The following HEY2 variants were observed in gnomAD, a reference collection of about 807,000 sequenced individuals.
The protein encoded by HEY2 is hairy/enhancer-of-split related with YRPW motif protein 2.
In HEY2, 10 loss-of-function variants were observed where a neutral mutation model predicts 18.1. The observed-to-expected ratio is 0.55, with a 90% confidence interval of 0.34 to 0.94. HEY2 has a LOEUF of 0.94. Ranked by LOEUF, HEY2 falls within the 40% of genes least tolerant of loss-of-function variation. The probability of loss-of-function intolerance (pLI) is 0.02; values close to 1 mark genes in which losing one functional copy is unlikely to be tolerated. For missense variants in HEY2, 455 were observed against 455.9 expected (o/e 1.00, Z 0.02); for synonymous variants, 210 against 182.7 (o/e 1.15, Z -1.21).
In HEY2 at chr6:125,759,316, C is replaced by T. The variant is rs374306977; in HGVS notation, c.528C>T (p.His176=). ...AAAMTSSMAH[H]HHPLHPHHWA... is the part of the protein sequence containing the mutation. ...CCATGACATCCTCCATGGCCCACCA[C>T]CATCATCCGCTCCACCCGCATCACT... The change falls in exon 5 of 5, where the codon CAC becomes CAT. Residue 176 remains histidine, a synonymous_variant. Coordinates refer to ENST00000368364, the MANE Select transcript of HEY2 (RefSeq NM_012259.3). 31 of 1,605,630 alleles carry T rather than the reference C, an allele frequency of 1.9e-5. No individual in the cohort carries two copies. Among genetic ancestry groups the T allele is most frequent in the South Asian group, 1.3e-4 (12 of 90,868 alleles).
At position 125,759,455 on chromosome 6, in the gene HEY2, G is replaced by T. The variant is rs761158643; in HGVS notation, c.667G>T (p.Gly223Cys). The T allele has an allele frequency of 6.2e-7, 1 of 1,611,638 alleles. No individual in the cohort carries two copies. The highest frequency in any genetic ancestry group is 1.7e-5 in the Admixed American group (1 of 60,024). The change falls in exon 5 of 5, where the codon GGC becomes TGC. Residue 223 changes from glycine to cysteine, a missense_variant. By Grantham distance (159) the Gly-to-Cys change is radical. Coordinates refer to ENST00000368364, the MANE Select transcript of HEY2 (RefSeq NM_012259.3). ...AACTTCAGAAGTGCCTCCTGCCCAC[G>T]GCTCTGCTCTCCTCACGGCCACGTT... ...STTSEVPPAH[G>C]SALLTATFAH...
rs1773792167 is a variant in HEY2 at position 125,761,017 on chromosome 6, T to C, written c.*1215T>C. ...TTTCGTTTAATGACAAAATAATCTC[T>C]TAATATGCTGAAATCAAGCACGTGA... On this transcript the variant is annotated 3_prime_UTR_variant, in exon 5 of 5. Coordinates refer to ENST00000368364, the MANE Select transcript of HEY2 (RefSeq NM_012259.3). 6.6e-6 allele frequency: 1 copy of C among 152,642 alleles called. No homozygotes were observed. The highest frequency in any genetic ancestry group is 2.1e-4 in the South Asian group (1 of 4,836). The allele number at this position is 152,642 out of a possible 1,614,324, so 9.5% of individuals were successfully genotyped here.
At chr6:125,755,955 G>T (rs1333199121) in intron 4 of HEY2, among the ~76,000 whole-genome samples, 1 of 152,146 alleles carries the variant, frequency 6.6e-6, no homozygotes, top group African/African-American at 2.4e-5. Flanking sequence ...CAGGATGTTA[G>T]GATACTGATT....
intron 1 of HEY2, chr6:125,750,134 C>A: frequency 3.7e-6 from 2 of 535,100 alleles, no homozygotes; most frequent in Non-Finnish European, 4.8e-6. Context: ...TCCTGGCTGT[C>A]ACAGTTGGAC....
In HEY2 at chr6:125,749,695, G is replaced by C. The variant is rs546858828; in HGVS notation, c.-82G>C. ...CCGCGCCTGCCCAGGCCCGGGGAGGGAGGAGGCGGGCGTCAGGGTGCTGCG... is the reference window on the plus strand; with the variant it reads ...CCGCGCCTGCCCAGGCCCGGGGAGGCAGGAGGCGGGCGTCAGGGTGCTGCG... On this transcript the variant is annotated 5_prime_UTR_variant, in exon 1 of 5. Transcript: ENST00000368364. 767 of 1,024,228 alleles carry C rather than the reference G, an allele frequency of 7.5e-4. 6 individuals carry two copies. In the African/African-American group the frequency reaches 0.012, roughly 16 times the overall value. The allele number at this position is 1,024,228 out of a possible 1,614,324, so 63.4% of individuals were successfully genotyped here.
chr6:125,750,507 TTA>T, intron 1 of HEY2: 1 of 632,476 alleles, frequency 1.6e-6, no homozygotes, highest in Non-Finnish European at 2.0e-6. Context: ...CCGAGGCATT[TTA>T]GAGCCAAGGC....
At position 125,759,336 on chromosome 6, in the gene HEY2, A is replaced by T. The variant is rs565963394; in HGVS notation, c.548A>T (p.His183Leu). The T allele has an allele frequency of 1.4e-4, 226 of 1,604,652 alleles. 3 individuals are homozygous for T. The South Asian group carries it at 2.3e-3, about 16-fold the overall frequency. The change falls in exon 5 of 5, where the codon CAT (histidine) becomes CTT (leucine). Residue 183 changes from histidine to leucine, a missense_variant. Coordinates refer to ENST00000368364, the MANE Select transcript of HEY2 (RefSeq NM_012259.3). ...CACCACCATCATCCGCTCCACCCGC[A>T]TCACTGGGCCGCCGCCTTCCACCAC... is the stretch of plus-strand genomic sequence containing the variant. ...MAHHHHPLHP[H>L]HWAAAFHHLP...
rs1773764737 is a variant in HEY2, at chr6:125,760,040, A to G, written c.*238A>G. On this transcript the variant is annotated 3_prime_UTR_variant, in exon 5 of 5. Transcript: ENST00000368364. ...CATCAGCAACTTTTGAAAACTTCAC[A>G]CTTGTTACCATTTAGAAGTTTCCTG... is the stretch of plus-strand genomic sequence containing the variant. 2 of 550,666 alleles carry G rather than the reference A, an allele frequency of 3.6e-6. No homozygotes were observed. Among genetic ancestry groups the G allele is most frequent in the South Asian group, 2.2e-5 (1 of 46,102 alleles). The allele number at this position is 550,666 out of a possible 1,614,324, so 34.1% of individuals were successfully genotyped here. A position where few individuals can be genotyped will look rare whatever the true frequency, so the allele number is the denominator to read the frequency against.
At chr6:125,751,659 A>G in intron 1 of HEY2, 142 bp from the exon 2 acceptor site, 1 of 546,882 alleles carries the variant, frequency 1.8e-6, no homozygotes. Flanking sequence ...AAAGTCCGTT[A>G]AGAGTGAAAC....
chr6:125,750,459 A>G (rs1252649039), intron 1 of HEY2: 1 of 933,572 alleles, frequency 1.1e-6, no homozygotes, highest in East Asian at 1.2e-4. Flanking sequence ...GTAATCACAG[A>G]AGCCAGACCT....
At position 125,759,995 on chromosome 6, in the gene HEY2, C is replaced by G; in HGVS notation, c.*193C>G. 1.6e-6 allele frequency: 1 copy of G among 607,996 alleles called. No homozygotes were observed. The allele number at this position is 607,996 out of a possible 1,614,324, so 37.7% of individuals were successfully genotyped here. On this transcript the variant is annotated 3_prime_UTR_variant, in exon 5 of 5. Transcript: ENST00000368364. ...TTTTCTCTCCCTTTTTTGTTTGGTT[C>G]AAGGCAGCTCGGTAACTGACATCAG...
In HEY2 at chr6:125,752,075, T is replaced by G; in HGVS notation, c.231T>G (p.Thr77=). The G allele has an allele frequency of 1.2e-6, 2 of 1,613,100 alleles. No homozygotes were observed. Among genetic ancestry groups the G allele is most frequent in the Non-Finnish European group, 1.7e-6 (2 of 1,179,130 alleles). Residue 77 remains threonine, a synonymous_variant, in exon 3 of 5, where the codon ACT becomes ACG. Coordinates refer to ENST00000368364, the MANE Select transcript of HEY2 (RefSeq NM_012259.3). The stretch of plus-strand genomic sequence containing the variant: ...CTGAGTTGAGAAGACTTGTGCCAAC[T>G]GCTTTTGAAAAACAAGTAAGCTATC... ...SLSELRRLVP[T]AFEKQGSAKL...
At chr6:125,749,884 G>T (rs1767013341) in intron 1 of HEY2, 25 bp downstream of exon 1, 1 of 1,543,486 alleles carries the variant, frequency 6.5e-7, no homozygotes, top group African/African-American at 1.4e-5. Flanking sequence ...CGCGGGAGCG[G>T]CCCGCAGCTC....
chr6:125,755,025 A>G (rs866583725), intron 4 of HEY2, among the ~76,000 whole-genome samples: 1 of 152,058 alleles, frequency 6.6e-6, no homozygotes, highest in Non-Finnish European at 1.5e-5. Flanking sequence ...AAAGGAATTG[A>G]CTCTAGAGTT....
intron 4 of HEY2, among the ~76,000 whole-genome samples, chr6:125,756,031 G>A (rs1276322755): frequency 6.6e-6 from 1 of 152,300 alleles, no homozygotes; most frequent in East Asian, 1.9e-4. Flanking sequence ...TTAGCCACAA[G>A]GCTAAGTTTT....
Position 125,754,406 on chromosome 6 carries a change from T to C in HEY2, c.247-59T>C. On this transcript the variant is annotated intron_variant, in intron 3 of 4. Coordinates refer to ENST00000368364, the MANE Select transcript of HEY2 (RefSeq NM_012259.3). Reference sequence around the variant, plus strand: ...CCATAATGCTAAATTCAGTGTATAATGTTTCAGATTAGTTTCTGTAGGACA... The same window carrying C: ...CCATAATGCTAAATTCAGTGTATAACGTTTCAGATTAGTTTCTGTAGGACA... 9.2e-6 allele frequency: 9 copies of C among 981,780 alleles called. 1 individual carries two copies. The highest frequency in any genetic ancestry group is 7.2e-5 in the South Asian group (4 of 55,270). 60.8% of individuals were successfully genotyped at this position (981,780 alleles called of 1,614,324 possible). A position where few individuals can be genotyped will look rare whatever the true frequency, so the allele number is the denominator to read the frequency against.
At chr6:125,752,467 T>C (rs945287721) in intron 3 of HEY2, among the ~76,000 whole-genome samples, 1 of 151,894 alleles carries the variant, frequency 6.6e-6, no homozygotes, top group South Asian at 2.1e-4. Flanking sequence ...AAAATTTTTT[T>C]AAAATGTAAT....
At chr6:125,758,986 C>T (rs1773722358) in intron 4 of HEY2, 131 bp from the exon 5 acceptor site, 2 of 630,354 alleles carry the variant, frequency 3.2e-6, no homozygotes, top group Non-Finnish European at 2.6e-6. Context: ...AAAGGATTAT[C>T]GTTCCACTTC....
chr6:125,754,740 A>G (rs564111344), intron 4 of HEY2, among the ~76,000 whole-genome samples, 194 bp downstream of exon 4: 2 of 152,302 alleles, frequency 1.3e-5, no homozygotes, highest in South Asian at 4.1e-4. Context: ...TTTTGGAACA[A>G]AAGAAGCACT....
Sources: allele counts gnomAD v4.1 joint callset (sites outside exome capture counted in the v4.1 genomes callset), GRCh38; gene constraint gnomAD v4.1.1; transcripts MANE v1.5; gene names NCBI Gene and HGNC (gene_info 2026-07-23, HGNC 2026-07-21).